Variants in TBL1XR1 observed in about 807,000 individuals in gnomAD.
The protein encoded by TBL1XR1 is F-box-like/WD repeat-containing protein TBL1XR1.
Under a neutral mutation model 66.9 loss-of-function variants are expected in TBL1XR1, and 5 were observed. The ratio of observed to expected loss-of-function variants is 0.07; its 90% confidence interval spans 0.04 to 0.16. The LOEUF (loss-of-function observed/expected upper bound fraction) is 0.16, where lower values mean the gene tolerates loss of function less well. Ranked by LOEUF, TBL1XR1 falls within the 10% of genes least tolerant of loss-of-function variation. The probability of loss-of-function intolerance (pLI) is 1.00; values close to 1 mark genes in which losing one functional copy is unlikely to be tolerated. For synonymous variants in TBL1XR1, 210 were observed against 206.0 expected (o/e 1.02, Z -0.17); for missense variants, 238 against 623.2 (o/e 0.38, Z 6.58).
intron 5 of TBL1XR1, among the ~76,000 whole-genome samples, chr3:177,051,303 G>C (rs867950802): frequency 1.4e-4 from 22 of 151,860 alleles, no homozygotes; most frequent in African/African-American, 5.3e-4. Flanking sequence ...GGGGGGTGGA[G>C]GGTGGGAGGA....
At chr3:177,039,119 T>C (rs1715217864) in intron 10 of TBL1XR1, among the ~76,000 whole-genome samples, 1 of 152,236 alleles carries the variant, frequency 6.6e-6, no homozygotes, top group African/African-American at 2.4e-5. Context: ...ATAAGGTATA[T>C]GTAAAACATA....
intron 1 of TBL1XR1, among the ~76,000 whole-genome samples, chr3:177,160,670 G>C (rs1732083624): frequency 6.6e-6 from 1 of 151,734 alleles, no homozygotes; most frequent in African/African-American, 2.4e-5. Flanking sequence ...TTGAAACTCA[G>C]TCCTAAATCA....
rs1250165878 is a variant in TBL1XR1 at position 177,197,349 on chromosome 3, C to T, written c.-350G>A. 1 of 143,134 alleles carries T rather than the reference C, an allele frequency of 7.0e-6. No individual in the cohort carries two copies. Among genetic ancestry groups the T allele is most frequent in the African/African-American group, 2.5e-5 (1 of 39,470 alleles). 8.9% of individuals were successfully genotyped at this position (143,134 alleles called of 1,614,324 possible). ...CCCAGGTGGCGAGCGGAGGTGCTCC[C>T]GCCGCGGGGGGAGGGGCGGGGGCGC... On this transcript the variant is annotated 5_prime_UTR_variant, in exon 1 of 16. Coordinates refer to ENST00000457928, the MANE Select transcript of TBL1XR1 (RefSeq NM_024665.7).
intron 1 of TBL1XR1, among the ~76,000 whole-genome samples, chr3:177,180,611 A>G (rs1473937581): frequency 3.3e-5 from 5 of 152,156 alleles, no homozygotes; most frequent in Non-Finnish European, 5.9e-5. Flanking sequence ...TGGTTTCTAG[A>G]AAGTAGCTCA....
At chr3:177,194,681 C>G (rs924249636) in intron 1 of TBL1XR1, among the ~76,000 whole-genome samples, 2 of 148,766 alleles carry the variant, frequency 1.3e-5, no homozygotes, top group Non-Finnish European at 2.9e-5. Context: ...ATCAGTACCC[C>G]TTATATTTAT....
At chr3:177,147,222 G>GT (rs545982417) in intron 1 of TBL1XR1, among the ~76,000 whole-genome samples, 255 of 151,818 alleles carry the variant, frequency 1.7e-3, no homozygotes, top group Non-Finnish European at 2.8e-3. Flanking sequence ...AACATTTTTG[G>GT]TTTTTTTATA....
Position 177,179,117 on chromosome 3 carries a change from C to CAAAA in TBL1XR1, c.-122+18000_-122+18003dup, listed in dbSNP as rs71178099. 1.0e-3 allele frequency among the ~76,000 whole-genome samples: 110 copies of CAAAA among 107,436 alleles called. 2 individuals carry two copies. The highest frequency in any genetic ancestry group is 4.1e-3 in the African/African-American group (96 of 23,446). The allele number at this position is 107,436 out of a possible 152,430, so 70.5% of individuals were successfully genotyped here. On this transcript the variant is annotated intron_variant, in intron 1 of 15. Coordinates refer to ENST00000457928, the MANE Select transcript of TBL1XR1 (RefSeq NM_024665.7). The stretch of plus-strand genomic sequence containing the variant: ...GGGCAACAAGAGCGAAACTACGTCT[C>CAAAA]AAAAAAAAAAAAAAAAAAAAAAAAG...
chr3:177,196,526 G>C (rs1736871328), intron 1 of TBL1XR1: 1 of 147,368 alleles, frequency 6.8e-6, no homozygotes, highest in Non-Finnish European at 1.5e-5. Flanking sequence ...GGCCCCAACA[G>C]CCGCCCGCAG....
chr3:177,172,816 T>C (rs1181773289), intron 1 of TBL1XR1, among the ~76,000 whole-genome samples: 1 of 151,844 alleles, frequency 6.6e-6, no homozygotes, highest in African/African-American at 2.4e-5. Flanking sequence ...AGGAAAAAAA[T>C]GGCTATCTGC....
chr3:177,134,581 CT>C (rs1186251382), intron 1 of TBL1XR1, among the ~76,000 whole-genome samples: 13 of 152,286 alleles, frequency 8.5e-5, no homozygotes, highest in African/African-American at 2.9e-4. Context: ...GGCTTTGCAG[CT>C]TTAAGATAAT....
intron 1 of TBL1XR1, among the ~76,000 whole-genome samples, chr3:177,123,983 G>C (rs1727302204): frequency 6.6e-6 from 1 of 152,026 alleles, no homozygotes; most frequent in South Asian, 2.1e-4. Context: ...TTTGATGTTA[G>C]AGGATACTTT....
At chr3:177,185,606 C>CA (rs67181434) in intron 1 of TBL1XR1, among the ~76,000 whole-genome samples, 73,066 of 144,932 alleles carry the variant, frequency 0.5, 18,657 homozygotes, top group Non-Finnish European at 0.58. Flanking sequence ...AGACTGTTTC[C>CA]AAAAAAAAAA....
intron 7 of TBL1XR1, among the ~76,000 whole-genome samples, chr3:177,049,016 C>A (rs908552171): frequency 6.6e-6 from 1 of 152,164 alleles, no homozygotes; most frequent in Non-Finnish European, 1.5e-5. Flanking sequence ...ATGTGCTAAA[C>A]CCCTTTGGAA....
intron 1 of TBL1XR1, among the ~76,000 whole-genome samples, chr3:177,192,611 T>C (rs1736302914): frequency 6.6e-6 from 1 of 152,150 alleles, no homozygotes; most frequent in African/African-American, 2.4e-5. Flanking sequence ...TAAGTTTACT[T>C]CAAATGGGTT....
At chr3:177,048,706 C>T (rs560829999) in intron 7 of TBL1XR1, among the ~76,000 whole-genome samples, 2 of 152,308 alleles carry the variant, frequency 1.3e-5, no homozygotes, top group Admixed American at 6.5e-5. Flanking sequence ...CTCACAGGCT[C>T]TCTTGCTTTA....
Position 177,130,956 on chromosome 3 carries a change from G to C in TBL1XR1, c.-121-32415C>G, listed in dbSNP as rs138518097. 1.4e-3 allele frequency among the ~76,000 whole-genome samples: 212 copies of C among 152,292 alleles called. 1 individual carries two copies. Among genetic ancestry groups the C allele is most frequent in the African/African-American group, 5.0e-3 (206 of 41,554 alleles). The stretch of plus-strand genomic sequence containing the variant: ...TAAGAGGATTGTTTGAGACAAGGGA[G>C]TTAGAGACCAGTCTGGGCAACATAG... On this transcript the variant is annotated intron_variant, in intron 1 of 15. Transcript: ENST00000457928.
chr3:177,054,073 T>TGTGTGTGTGC (rs145838308), intron 3 of TBL1XR1, among the ~76,000 whole-genome samples, 155 bp from the exon 4 acceptor site: 149 of 124,912 alleles, frequency 1.2e-3, no homozygotes, highest in African/African-American at 3.9e-3. Context: ...TGTGTGTGTG[T>TGTGTGTGTGC]GCGCGCGCGT....
chr3:177,025,472 C>CGG lies in TBL1XR1; in HGVS notation c.*24_*25dup. 1.2e-6 allele frequency: 2 copies of CGG among 1,611,428 alleles called. No individual in the cohort carries two copies. Among genetic ancestry groups the CGG allele is most frequent in the Non-Finnish European group, 1.7e-6 (2 of 1,179,062 alleles). ...TTTTGGCTATGTACACATTCATAGT[C>CGG]GGTCCATGGCTTCCAACTAGTAGCG... On this transcript the variant is annotated 3_prime_UTR_variant, in exon 16 of 16. Coordinates refer to ENST00000457928, the MANE Select transcript of TBL1XR1 (RefSeq NM_024665.7).
chr3:177,142,974 G>A (rs1163543995), intron 1 of TBL1XR1, among the ~76,000 whole-genome samples: 2 of 151,744 alleles, frequency 1.3e-5, no homozygotes, highest in Admixed American at 1.3e-4. Context: ...ATGTCCTTTG[G>A]GTGGTCTATT....
Sources: gnomAD v4.1 joint callset for allele counts (sites outside exome capture counted in the v4.1 genomes callset) on GRCh38, gnomAD v4.1.1 for gene constraint, MANE v1.5 for transcripts, NCBI Gene and HGNC (gene_info 2026-07-23, HGNC 2026-07-21) for gene names.